TRIO: variants seen among roughly 807,000 people sequenced by gnomAD.
TRIO encodes the protein triple functional domain protein.
TRIO carries 58 observed loss-of-function variants against 351.9 expected under a neutral mutation model. That is an observed-to-expected ratio of 0.16 (90% CI 0.13 to 0.21). The LOEUF (loss-of-function observed/expected upper bound fraction) is 0.21, where lower values mean the gene tolerates loss of function less well. TRIO is among the 10% of genes least tolerant of loss of function. The pLI is 1.00. For missense variants in TRIO, 3,201 were observed against 4,027.8 expected (o/e 0.79, Z 5.56); for synonymous variants, 1,758 against 1,595.7 (o/e 1.10, Z -2.42).
intron 20 of TRIO, 128 bp from the exon 21 acceptor site, chr5:14,381,001 TG>T: frequency 7.8e-7 from 1 of 1,275,918 alleles, no homozygotes; most frequent in Non-Finnish European, 1.1e-6. Flanking sequence ...CTTGCCTCTC[TG>T]GGAGGGAATG....
intron 1 of TRIO, among the ~76,000 whole-genome samples, chr5:14,247,705 T>C (rs1794515069): frequency 6.6e-6 from 1 of 152,172 alleles, no homozygotes; most frequent in Non-Finnish European, 1.5e-5. Context: ...ATTTTGACAA[T>C]AAAGTTGATA....
intron 18 of TRIO, among the ~76,000 whole-genome samples, chr5:14,370,611 G>T (rs1245450156): frequency 1.3e-5 from 2 of 152,148 alleles, no homozygotes; most frequent in Non-Finnish European, 2.9e-5. Flanking sequence ...AGGATAAATT[G>T]TAACTCTTTG....
chr5:14,209,104 A>T (rs369999903), intron 1 of TRIO, among the ~76,000 whole-genome samples: 1 of 152,236 alleles, frequency 6.6e-6, no homozygotes. Context: ...GGTAGATTAC[A>T]TTCCTGTTTT....
intron 2 of TRIO, among the ~76,000 whole-genome samples, chr5:14,272,464 C>T (rs1270969495): frequency 5.3e-5 from 8 of 152,276 alleles, no homozygotes; most frequent in South Asian, 2.1e-4. Context: ...AATATATTAT[C>T]GGCTGACATT....
intron 49 of TRIO, among the ~76,000 whole-genome samples, chr5:14,493,053 G>A (rs1246367252): frequency 6.6e-6 from 1 of 152,190 alleles, no homozygotes; most frequent in Non-Finnish European, 1.5e-5. Context: ...ACATTGTTGA[G>A]GAATCCCATT....
intron 34 of TRIO, among the ~76,000 whole-genome samples, chr5:14,426,303 T>A (rs28416767): frequency 0.1 from 15,470 of 152,206 alleles, 1,437 homozygotes; most frequent in African/African-American, 0.25. Context: ...TAGGGGCTTT[T>A]TTCCCTCTCA....
At chr5:14,222,460 G>A (rs1225784479) in intron 1 of TRIO, among the ~76,000 whole-genome samples, 1 of 152,104 alleles carries the variant, frequency 6.6e-6, no homozygotes, top group East Asian at 1.9e-4. Flanking sequence ...ACCTCATTTT[G>A]TATTGTTTTG....
At chr5:14,505,555 C>T (rs948478991) in intron 55 of TRIO, among the ~76,000 whole-genome samples, 3 of 152,318 alleles carry the variant, frequency 2.0e-5, no homozygotes, top group African/African-American at 2.4e-5. Flanking sequence ...GACTCAAGCT[C>T]GGGGCCCCTC....
In TRIO at chr5:14,290,179, A is replaced by C. The variant is rs78861839; in HGVS notation, c.541-537A>C. Among the ~76,000 whole-genome samples the C allele has an allele frequency of 3.1e-3, 474 of 152,330 alleles. 1 individual carries two copies. The highest frequency in any genetic ancestry group is 0.011 in the African/African-American group (460 of 41,570). ...CTGGTTGGAGCAGCATTCATCGTTT[A>C]ATAGGCAGCCCACACGTAATTGAAT... On this transcript the variant is annotated intron_variant, in intron 4 of 56. Coordinates refer to ENST00000344204, the MANE Select transcript of TRIO (RefSeq NM_007118.4).
At chr5:14,271,760 C>A (rs1795987221) in intron 2 of TRIO, among the ~76,000 whole-genome samples, 1 of 152,238 alleles carries the variant, frequency 6.6e-6, no homozygotes, top group Non-Finnish European at 1.5e-5. Context: ...CTGTGCTGAT[C>A]TGTGTATCCT....
rs1561563818 is a variant in TRIO at position 14,498,523 on chromosome 5, C to G, written c.8215C>G (p.Leu2739Val). Residue 2739 changes from leucine to valine, a missense_variant, in exon 53 of 57, where the codon CTG (leucine) becomes GTG (valine). Leu to Val is a conservative substitution (Grantham distance 32). Coordinates refer to ENST00000344204, the MANE Select transcript of TRIO (RefSeq NM_007118.4). Reference sequence around the variant, plus strand: ...GTGTTCCCATCTGTGCCGCAGTGACCTGGGAGAGGCCACGCTGAAGATTGT... The same window carrying G: ...GTGTTCCCATCTGTGCCGCAGTGACGTGGGAGAGGCCACGCTGAAGATTGT... ...DGHYSISYSD[L>V]GEATLKIVGV... is the part of the protein sequence containing the mutation. The G allele has an allele frequency of 6.2e-7, 1 of 1,613,892 alleles. No homozygotes were observed. Among genetic ancestry groups the G allele is most frequent in the African/African-American group, 1.3e-5 (1 of 74,916 alleles).
At chr5:14,418,397 CT>C (rs1428124880) in intron 33 of TRIO, among the ~76,000 whole-genome samples, 1 of 152,132 alleles carries the variant, frequency 6.6e-6, no homozygotes, top group Non-Finnish European at 1.5e-5. Flanking sequence ...TCAGGAGCCC[CT>C]GCGGGACCCA....
At chr5:14,305,393 G>C (rs568096531) in intron 8 of TRIO, among the ~76,000 whole-genome samples, 3 of 152,182 alleles carry the variant, frequency 2.0e-5, no homozygotes, top group Non-Finnish European at 2.9e-5. Context: ...TAATAGTTAC[G>C]TTCCTGGAGG....
chr5:14,466,583 A>G (rs1172526807), intron 37 of TRIO: 1 of 152,188 alleles, frequency 6.6e-6, no homozygotes, highest in African/African-American at 2.4e-5. Flanking sequence ...AATGGTAACA[A>G]CTTTTTAGAC....
Position 14,359,370 on chromosome 5 carries a change from T to G in TRIO, c.2230T>G (p.Ser744Ala), listed in dbSNP as rs372417753. The G allele has an allele frequency of 1.9e-6, 3 of 1,613,072 alleles. No individual in the cohort carries two copies. The highest frequency in any genetic ancestry group is 2.5e-6 in the Non-Finnish European group (3 of 1,179,064). ...GTGCTCTCGCAGGGACTCTGCCATC[T>G]CCAGTAACAAGACCCCCCACAACAG... ...LIQQLRDSAI[S>A]SNKTPHNSSI... Residue 744 changes from serine (S) to alanine (A), a missense_variant, in exon 13 of 57, where the codon TCC becomes GCC. Around this residue, in one of 19 missense-constraint regions of TRIO, gnomAD observed 363 missense variants for 553.5 expected, o/e 0.66. Coordinates refer to ENST00000344204, the MANE Select transcript of TRIO (RefSeq NM_007118.4).
intron 34 of TRIO, among the ~76,000 whole-genome samples, chr5:14,460,049 G>A (rs1753656780): frequency 6.6e-6 from 1 of 151,966 alleles, no homozygotes; most frequent in Non-Finnish European, 1.5e-5. Flanking sequence ...CTGAGTAGCT[G>A]GGACTACAGG....
At chr5:14,380,651 G>A (rs939281490) in intron 20 of TRIO, among the ~76,000 whole-genome samples, 1 of 152,060 alleles carries the variant, frequency 6.6e-6, no homozygotes, top group Non-Finnish European at 1.5e-5. Context: ...AGTTCATTAC[G>A]ACAGTATGGC....
At chr5:14,378,429 C>T (rs1336089996) in intron 20 of TRIO, among the ~76,000 whole-genome samples, 4 of 151,948 alleles carry the variant, frequency 2.6e-5, no homozygotes, top group Non-Finnish European at 4.4e-5. Context: ...AATCTTGGTT[C>T]TGTACTTAGG....
At chr5:14,400,098 T>G (rs1747944385) in intron 30 of TRIO, among the ~76,000 whole-genome samples, 1 of 152,234 alleles carries the variant, frequency 6.6e-6, no homozygotes, top group Non-Finnish European at 1.5e-5. Flanking sequence ...TCATACCATT[T>G]TGTTTGGCTT....
Sources: allele counts gnomAD v4.1 joint callset (sites outside exome capture counted in the v4.1 genomes callset), GRCh38; gene constraint gnomAD v4.1.1; regional missense constraint gnomAD v4.1.1; transcripts MANE v1.5; gene names NCBI Gene and HGNC (gene_info 2026-07-23, HGNC 2026-07-21).